ATF7: variants seen among roughly 807,000 people sequenced by gnomAD.
ATF7 encodes the protein activating transcription factor 7.
In ATF7, 10 loss-of-function variants were observed where a neutral mutation model predicts 50.4. The ratio of observed to expected loss-of-function variants is 0.20; its 90% CI spans 0.12 to 0.34. The LOEUF (loss-of-function observed/expected upper bound fraction) is 0.34, where lower values mean the gene tolerates loss of function less well. Among genes scored for constraint, ATF7 ranks in the 10% least tolerant of loss-of-function variants. The pLI, the probability that ATF7 is intolerant of heterozygous loss-of-function variation, is 1.00. For missense variants in ATF7, 465 were observed against 613.9 expected (o/e 0.76, Z 2.56); for synonymous variants, 201 against 226.4 (o/e 0.89, Z 1.01).
At chr12:53,618,001 A>T (rs1313310554) in intron 1 of ATF7, among the ~76,000 whole-genome samples, 1 of 152,218 alleles carries the variant, frequency 6.6e-6, no homozygotes, top group Non-Finnish European at 1.5e-5. Context: ...CAAAGTGTCC[A>T]CAAGGGAAAT....
chr12:53,518,696 C>A (rs370683353), intron 11 of ATF7, among the ~76,000 whole-genome samples: 1 of 152,196 alleles, frequency 6.6e-6, no homozygotes, highest in East Asian at 1.9e-4. Flanking sequence ...AAAAGGCAAA[C>A]GTTCCATAGT....
intron 5 of ATF7, among the ~76,000 whole-genome samples, chr12:53,536,369 T>C (rs1939223140): frequency 6.6e-6 from 1 of 151,578 alleles, no homozygotes; most frequent in Non-Finnish European, 1.5e-5. Context: ...CCTGGCCTCC[T>C]GGGTTCAAGC....
chr12:53,543,567 T>C, intron 3 of ATF7, 119 bp from the exon 4 acceptor site: 1 of 1,165,022 alleles, frequency 8.6e-7, no homozygotes, highest in Non-Finnish European at 1.2e-6. Context: ...GTCTTTGTGT[T>C]AGGGCAAATT....
chr12:53,576,362 G>C (rs1485947114), intron 2 of ATF7, among the ~76,000 whole-genome samples: 1 of 152,122 alleles, frequency 6.6e-6, no homozygotes, highest in Non-Finnish European at 1.5e-5. Context: ...GCTATGGTTT[G>C]AACAATGTTG....
chr12:53,529,704 T>TACACACACACAC (rs1310811632), intron 9 of ATF7, among the ~76,000 whole-genome samples: 13 of 73,364 alleles, frequency 1.8e-4, no homozygotes, highest in East Asian at 2.0e-3. Flanking sequence ...CATATATATA[T>TACACACACACAC]ACACATACAC....
At chr12:53,619,505 A>G (rs1239957390) in intron 1 of ATF7, among the ~76,000 whole-genome samples, 3 of 140,106 alleles carry the variant, frequency 2.1e-5, no homozygotes, top group East Asian at 2.1e-4. Flanking sequence ...AAAAAAAAAG[A>G]AAAAAAAAAG....
At chr12:53,578,037 ACAGT>A (rs1240255248) in intron 2 of ATF7, among the ~76,000 whole-genome samples, 3 of 152,156 alleles carry the variant, frequency 2.0e-5, no homozygotes, top group Non-Finnish European at 4.4e-5. Flanking sequence ...AGCAGAGAGT[ACAGT>A]CAAAGAGAGA....
intron 2 of ATF7, among the ~76,000 whole-genome samples, chr12:53,573,832 C>T (rs778803405): frequency 1.3e-5 from 2 of 152,130 alleles, no homozygotes; most frequent in South Asian, 2.1e-4. Context: ...ATTCTACCCC[C>T]GTCTAGCCAT....
chr12:53,580,225 C>T (rs1014541676), intron 2 of ATF7, among the ~76,000 whole-genome samples: 5 of 150,872 alleles, frequency 3.3e-5, no homozygotes, highest in Non-Finnish European at 5.9e-5. Context: ...GCTACCACAC[C>T]CGGCCTCACA....
chr12:53,617,344 T>C (rs1189268990), intron 1 of ATF7, among the ~76,000 whole-genome samples: 1 of 152,146 alleles, frequency 6.6e-6, no homozygotes, highest in East Asian at 1.9e-4. Context: ...ACTACTATAC[T>C]AGGCCAGGCA....
chr12:53,542,943 G>A (rs1364319695), intron 4 of ATF7: 3 of 1,074,110 alleles, frequency 2.8e-6, no homozygotes, highest in Non-Finnish European at 3.4e-6. Context: ...CAGTGTAGCT[G>A]AGAAGTCTGA....
At chr12:53,544,275 C>T (rs962464160) in intron 3 of ATF7, among the ~76,000 whole-genome samples, 2 of 152,212 alleles carry the variant, frequency 1.3e-5, no homozygotes, top group African/African-American at 2.4e-5. Flanking sequence ...TACATTCTCC[C>T]TCCCAATCCT....
At position 53,531,840 on chromosome 12, in the gene ATF7, C is replaced by T. The variant is rs764750823; in HGVS notation, c.831G>A (p.Met277Ile). ...CCATGGTGCTGGCAGTACCCACCAC[C>T]ATTCCACAACCACCATTGATTGAGG... ...QVSSINGGCGMVVGTASTMVT... is the reference protein window; with the variant it reads ...QVSSINGGCGIVVGTASTMVT... The change falls in exon 9 of 12, where the codon ATG becomes ATA. Residue 277 changes from methionine to isoleucine, a missense_variant. Met to Ile is a conservative substitution (Grantham distance 10). Coordinates refer to ENST00000420353, the MANE Select transcript of ATF7 (RefSeq NM_006856.3). The T allele has an allele frequency of 1.9e-6, 3 of 1,613,638 alleles. No homozygotes were observed. In the South Asian group the frequency reaches 3.3e-5, roughly 18 times the overall value.
intron 3 of ATF7, among the ~76,000 whole-genome samples, chr12:53,551,548 C>A (rs1940352943): frequency 6.6e-6 from 1 of 152,144 alleles, no homozygotes; most frequent in Non-Finnish European, 1.5e-5. Flanking sequence ...AAGCTCCTAG[C>A]AAATGTGCCT....
Position 53,533,164 on chromosome 12 carries a change from A to G in ATF7, c.656T>C (p.Ile219Thr). 1 of 1,611,512 alleles carries G rather than the reference A, an allele frequency of 6.2e-7. No individual in the cohort carries two copies. Among genetic ancestry groups the G allele is most frequent in the South Asian group, 1.1e-5 (1 of 91,022 alleles). The change falls in exon 7 of 12, where the codon ATA becomes ACA. Residue 219 changes from isoleucine to threonine, a missense_variant. By Grantham distance (89) the Ile-to-Thr change is moderately conservative. Coordinates refer to ENST00000420353, the MANE Select transcript of ATF7 (RefSeq NM_006856.3). ...TGCCCCAACTACAGAGCTCACCGAT[A>G]TAACAGACGGCATCTGTACTGGAGG... is the stretch of plus-strand genomic sequence containing the variant. Reference protein sequence around the residue: ...PGPPVQMPSVISLARPVSMVP... With the variant: ...PGPPVQMPSVTSLARPVSMVP...
chr12:53,597,382 G>C (rs1449335947), intron 2 of ATF7, among the ~76,000 whole-genome samples: 1 of 152,114 alleles, frequency 6.6e-6, no homozygotes, highest in East Asian at 1.9e-4. Context: ...AGTCTATTCT[G>C]GGTGAATTTT....
chr12:53,602,522 T>C (rs1432249365), intron 1 of ATF7, among the ~76,000 whole-genome samples: 1 of 152,130 alleles, frequency 6.6e-6, no homozygotes, highest in Admixed American at 6.5e-5. Context: ...GGGTGCCCCA[T>C]AAAATAGAAG....
At chr12:53,536,165 AAC>A (rs1355505014) in intron 5 of ATF7, among the ~76,000 whole-genome samples, 1 of 152,198 alleles carries the variant, frequency 6.6e-6, no homozygotes, top group Non-Finnish European at 1.5e-5. Context: ...ATCATTGTCA[AAC>A]AGTTTTGCCT....
At chr12:53,612,532 A>G (rs1003352070) in intron 1 of ATF7, among the ~76,000 whole-genome samples, 1 of 152,068 alleles carries the variant, frequency 6.6e-6, no homozygotes, top group African/African-American at 2.4e-5. Context: ...TCAGCCTCCC[A>G]AAGTGCTGGG....
Sources: gnomAD v4.1 joint callset for allele counts (sites outside exome capture counted in the v4.1 genomes callset) on GRCh38, gnomAD v4.1.1 for gene constraint, MANE v1.5 for transcripts, NCBI Gene and HGNC (gene_info 2026-07-23, HGNC 2026-07-21) for gene names.